PABPC1L: variants seen among roughly 807,000 people sequenced by gnomAD.
PABPC1L encodes poly(A) binding protein cytoplasmic 1 like.
Under a neutral mutation model 66.6 loss-of-function variants are expected in PABPC1L, and 31 were observed. The ratio of observed to expected loss-of-function variants is 0.47; its 90% confidence interval spans 0.35 to 0.63. PABPC1L has a LOEUF of 0.63. Among genes scored for constraint, PABPC1L ranks in the 20% least tolerant of loss-of-function variants. The probability of loss-of-function intolerance (pLI) is 0.00; values close to 1 mark genes in which losing one functional copy is unlikely to be tolerated. For synonymous variants in PABPC1L, 348 were observed against 335.1 expected (o/e 1.04, Z -0.42); for missense variants, 722 against 848.8 (o/e 0.85, Z 1.86).
chr20:44,937,071 G>A (rs1379198846), intron 12 of PABPC1L: 1 of 477,078 alleles, frequency 2.1e-6, no homozygotes, highest in African/African-American at 2.0e-5. Flanking sequence ...TTGTAGGTGG[G>A]GGGTTAAAGT....
intron 11 of PABPC1L, among the ~76,000 whole-genome samples, chr20:44,936,343 G>A (rs988051443): frequency 3.9e-5 from 6 of 152,166 alleles, no homozygotes; most frequent in Non-Finnish European, 8.8e-5. Context: ...TTGATAAAAA[G>A]TGCTTTATTT....
chr20:44,938,208 G>GC lies in PABPC1L; in HGVS notation c.1791+18dup. ...CATGCCAAGGTAAGCAGGAGCCTGG[G>GC]CAGCAGGGAGCCCGAGGGGGCAGGA... On this transcript the variant is annotated intron_variant, in intron 13 of 14. Transcript: ENST00000217073. 1 of 1,611,426 alleles carries GC rather than the reference G, an allele frequency of 6.2e-7. No individual in the cohort carries two copies. Among genetic ancestry groups the GC allele is most frequent in the Non-Finnish European group, 8.5e-7 (1 of 1,178,722 alleles).
At position 44,931,071 on chromosome 20, in the gene PABPC1L, C is replaced by T. The variant is rs1219720600; in HGVS notation, c.1239+345C>T. 7.0e-3 allele frequency among the ~76,000 whole-genome samples: 437 copies of T among 62,652 alleles called. 7 individuals are homozygous for T. The highest frequency in any genetic ancestry group is 0.023 in the African/African-American group (417 of 18,358). 41.1% of individuals were successfully genotyped at this position (62,652 alleles called of 152,430 possible). On this transcript the variant is annotated intron_variant, in intron 8 of 14. Coordinates refer to ENST00000217073, the MANE Select transcript of PABPC1L (RefSeq NM_001372179.1). ...TTCCCTTCCCTTCCCTTCCCTCCCT[C>T]CCTCCCTCCCTCCCTCCCTTCCTTC...
chr20:44,932,581 G>A (rs908709322), intron 9 of PABPC1L, 149 bp downstream of exon 9: 11 of 634,126 alleles, frequency 1.7e-5, no homozygotes, highest in Non-Finnish European at 2.7e-5. Context: ...TTCTGAGCAT[G>A]GGCCTGAATG....
At chr20:44,925,280 C>A (rs1364951353) in intron 7 of PABPC1L, among the ~76,000 whole-genome samples, 3 of 150,184 alleles carry the variant, frequency 2.0e-5, no homozygotes. Flanking sequence ...TCATTCTATA[C>A]TTAAATACCT....
intron 7 of PABPC1L, among the ~76,000 whole-genome samples, chr20:44,927,083 G>T (rs1345613196): frequency 6.6e-6 from 1 of 151,522 alleles, no homozygotes; most frequent in Admixed American, 6.6e-5. Context: ...TGGGAGTCTT[G>T]CTGTGTTGTC....
intron 11 of PABPC1L, 129 bp from the exon 12 acceptor site, chr20:44,936,508 T>A: frequency 1.4e-6 from 1 of 699,350 alleles, no homozygotes; most frequent in Non-Finnish European, 2.4e-6. Flanking sequence ...CCCCACCTGA[T>A]CATCCAGACC....
intron 10 of PABPC1L, 71 bp from the exon 11 acceptor site, chr20:44,935,320 G>C: frequency 8.8e-7 from 1 of 1,140,362 alleles, no homozygotes; most frequent in Non-Finnish European, 1.3e-6. Context: ...GTGTTGTTTT[G>C]TTTTGTTTTG....
Position 44,921,578 on chromosome 20 carries a change from C to T in PABPC1L, c.739-16C>T. The T allele has an allele frequency of 6.2e-7, 1 of 1,613,364 alleles. No individual in the cohort carries two copies. The highest frequency in any genetic ancestry group is 8.5e-7 in the Non-Finnish European group (1 of 1,179,778). On this transcript the variant is annotated splice_polypyrimidine_tract_variant and intron_variant, in intron 5 of 14. Transcript: ENST00000217073. The stretch of plus-strand genomic sequence containing the variant: ...TCTGAGTGGTTACCAAGCATGTTCC[C>T]TCCTCCTTTCCCCAGGCCGTGGTCC...
In PABPC1L at chr20:44,912,867, G is replaced by A. The variant is rs199704484; in HGVS notation, c.387+14G>A. ...CTCTCTTGCAAGGTAGAGGATGAAG[G>A]GTGTACGTCTTTGGGTAGATCGGTG... On this transcript the variant is annotated intron_variant, in intron 2 of 14. Transcript: ENST00000217073. The A allele has an allele frequency of 6.2e-7, 1 of 1,608,504 alleles. No homozygotes were observed. The highest frequency in any genetic ancestry group is 8.5e-7 in the Non-Finnish European group (1 of 1,175,398).
intron 6 of PABPC1L, among the ~76,000 whole-genome samples, chr20:44,922,833 G>A (rs971415029): frequency 5.3e-5 from 8 of 152,196 alleles, no homozygotes; most frequent in African/African-American, 1.9e-4. Flanking sequence ...ATTGTCGTGT[G>A]GGTGGTGGGG....
rs561836773 is a variant in PABPC1L at position 44,910,066 on chromosome 20, G to A, written c.-78G>A. The A allele has an allele frequency of 3.9e-6, 5 of 1,295,374 alleles. No individual in the cohort carries two copies. In the East Asian group the frequency reaches 1.1e-4, roughly 29 times the overall value. The allele number at this position is 1,295,374 out of a possible 1,614,324, so 80.2% of individuals were successfully genotyped here. ...GGGCGGGCCCGCGCCCAGGAAGGAG[G>A]GCTTCCGCCCGGGTGAGCGCGGGGC... On this transcript the variant is annotated 5_prime_UTR_variant, in exon 1 of 15. Transcript: ENST00000217073.
At chr20:44,937,995 A>G (rs1324730118) in intron 12 of PABPC1L, 66 bp from the exon 13 acceptor site, 1 of 1,607,032 alleles carries the variant, frequency 6.2e-7, no homozygotes, top group Non-Finnish European at 8.5e-7. Context: ...TCCACTCCAT[A>G]CGAGCCCTGG....
At chr20:44,923,607 C>A (rs1381842565) in intron 6 of PABPC1L, among the ~76,000 whole-genome samples, 1 of 148,294 alleles carries the variant, frequency 6.7e-6, no homozygotes, top group Admixed American at 6.8e-5. Flanking sequence ...CCAGCCTAGG[C>A]AACAAGAGCA....
intron 1 of PABPC1L, among the ~76,000 whole-genome samples, chr20:44,911,982 G>A (rs570633033): frequency 6.6e-6 from 1 of 152,294 alleles, no homozygotes; most frequent in South Asian, 2.1e-4. Flanking sequence ...GCTGGGCATC[G>A]GCTGCTGTTT....
chr20:44,930,558 C>A lies in PABPC1L; in HGVS notation c.1071C>A (p.Ile357=), dbSNP rs3746581. The A allele has an allele frequency of 5.6e-6, 9 of 1,614,158 alleles. 1 individual carries two copies. In the South Asian group the frequency reaches 7.7e-5, roughly 14 times the overall value. Residue 357 remains isoleucine, a synonymous_variant, in exon 8 of 15, where the codon ATC becomes ATA. Transcript: ENST00000217073. The part of the protein sequence containing the change: ...TKAVTEMNGR[I]VGTKPLYVAL... ...CCGTGACAGAGATGAACGGGCGCAT[C>A]GTGGGCACCAAGCCACTCTACGTGG...
At chr20:44,929,551 T>C (rs2066835259) in intron 7 of PABPC1L, among the ~76,000 whole-genome samples, 1 of 151,926 alleles carries the variant, frequency 6.6e-6, no homozygotes, top group Non-Finnish European at 1.5e-5. Context: ...TCCCAGCACT[T>C]TGGGAGGCTG....
At chr20:44,912,592 A>T in intron 1 of PABPC1L, 68 bp from the exon 2 acceptor site, 2 of 1,390,638 alleles carry the variant, frequency 1.4e-6, no homozygotes, top group South Asian at 2.6e-5. Context: ...AAGCACCTCG[A>T]GGGGTGGGTG....
intron 6 of PABPC1L, among the ~76,000 whole-genome samples, chr20:44,923,756 T>TTAG (rs1489178593): frequency 6.6e-6 from 1 of 151,784 alleles, no homozygotes; most frequent in Non-Finnish European, 1.5e-5. Context: ...CTCACCTGTG[T>TTAG]TAGGGTTCTG....
Sources: allele counts gnomAD v4.1 joint callset (sites outside exome capture counted in the v4.1 genomes callset), GRCh38; gene constraint gnomAD v4.1.1; transcripts MANE v1.5; gene names NCBI Gene and HGNC (gene_info 2026-07-23, HGNC 2026-07-21).